The following POLR2B variants were observed in gnomAD, a reference collection of about 807,000 sequenced individuals.
POLR2B encodes the protein DNA-directed RNA polymerase II subunit RPB2.
Under a neutral mutation model 144.6 loss-of-function variants are expected in POLR2B, and 57 were observed. That is an observed-to-expected ratio of 0.39 (90% CI 0.32 to 0.49). The LOEUF (loss-of-function observed/expected upper bound fraction) is 0.49. Ranked by LOEUF, POLR2B falls within the 20% of genes least tolerant of loss-of-function variation. The probability of loss-of-function intolerance (pLI) is 0.83; values close to 1 mark genes in which losing one functional copy is unlikely to be tolerated. For missense variants in POLR2B, 595 were observed against 1,467.4 expected (o/e 0.41, Z 9.71); for synonymous variants, 442 against 469.8 (o/e 0.94, Z 0.77).
chr4:56,984,336 T>C (rs926076610), intron 1 of POLR2B, among the ~76,000 whole-genome samples: 34 of 152,324 alleles, frequency 2.2e-4, no homozygotes, highest in African/African-American at 8.2e-4. Context: ...TGTACTTTTT[T>C]TTTTTCAAAT....
intron 1 of POLR2B, among the ~76,000 whole-genome samples, chr4:56,983,011 T>C (rs1325951049): frequency 6.6e-6 from 1 of 152,214 alleles, no homozygotes; most frequent in Non-Finnish European, 1.5e-5. Flanking sequence ...TCATTCTAGT[T>C]CATGTTGCTG....
intron 2 of POLR2B, among the ~76,000 whole-genome samples, chr4:56,990,277 G>A (rs952586485): frequency 6.6e-6 from 1 of 151,958 alleles, no homozygotes; most frequent in Non-Finnish European, 1.5e-5. Flanking sequence ...CTAGGCTGGA[G>A]TGCAATGATG....
chr4:56,988,637 A>G (rs371477384), intron 2 of POLR2B, among the ~76,000 whole-genome samples: 8 of 152,210 alleles, frequency 5.3e-5, no homozygotes, highest in African/African-American at 1.4e-4. Flanking sequence ...TTTGCCACCT[A>G]TAGCTAGAAT....
At chr4:56,983,491 C>A (rs151024831) in intron 1 of POLR2B, among the ~76,000 whole-genome samples, 1 of 151,356 alleles carries the variant, frequency 6.6e-6, no homozygotes, top group East Asian at 2.0e-4. Flanking sequence ...TTCGCCTCAG[C>A]CTCCTGAGTA....
At position 57,014,691 on chromosome 4, in the gene POLR2B, A is replaced by G. The variant is rs192617191; in HGVS notation, c.1801-811A>G. On this transcript the variant is annotated intron_variant, in intron 13 of 24. Coordinates refer to ENST00000314595, the MANE Select transcript of POLR2B (RefSeq NM_000938.3). ...CTAATTTTTTTTGTATTTTTAGTAG[A>G]GATGGGGTTTCACCGTGTTAGCTAG... 3.3e-5 allele frequency among the ~76,000 whole-genome samples: 5 copies of G among 150,804 alleles called. No individual in the cohort carries two copies. In the Admixed American group the frequency reaches 3.3e-4, roughly 10 times the overall value.
chr4:56,996,110 C>T (rs1722667053), intron 6 of POLR2B, among the ~76,000 whole-genome samples: 1 of 151,332 alleles, frequency 6.6e-6, no homozygotes, highest in Non-Finnish European at 1.5e-5. Context: ...CTGGTAGTAG[C>T]TAGCAGTTCT....
At chr4:57,002,046 G>A (rs901448812) in intron 7 of POLR2B, among the ~76,000 whole-genome samples, 7 of 152,184 alleles carry the variant, frequency 4.6e-5, no homozygotes, top group Middle Eastern at 3.4e-3. Flanking sequence ...ATTATTATTT[G>A]AGAAAGGGTC....
intron 7 of POLR2B, among the ~76,000 whole-genome samples, chr4:57,000,256 C>T (rs955220459): frequency 7.9e-5 from 12 of 152,166 alleles, no homozygotes; most frequent in Admixed American, 2.0e-4. Flanking sequence ...ACAGGGAGAC[C>T]TGTCTCTACA....
At chr4:57,020,868 G>A (rs1723519575) in intron 16 of POLR2B, 31 bp from the exon 17 acceptor site, 4 of 1,179,962 alleles carry the variant, frequency 3.4e-6, no homozygotes, top group Non-Finnish European at 5.1e-6. Context: ...TCCAGGTGAT[G>A]TTTTAATGTA....
intron 16 of POLR2B, among the ~76,000 whole-genome samples, chr4:57,020,672 A>G (rs1386355372): frequency 6.6e-6 from 1 of 152,192 alleles, no homozygotes; most frequent in African/African-American, 2.4e-5. Context: ...AAGAATGGAT[A>G]CATTGGGAGT....
In POLR2B at chr4:57,005,353, T is replaced by C. The variant is rs1294248773; in HGVS notation, c.1008T>C (p.Ile336=). The change falls in exon 8 of 25, where the codon ATT becomes ATC. Residue 336 remains isoleucine, a synonymous_variant. Coordinates refer to ENST00000314595, the MANE Select transcript of POLR2B (RefSeq NM_000938.3). ...AKPGVTKEKR[I]KYAKEVLQKE... ...CTGGTGTTACTAAAGAGAAAAGAATTAAATATGCAAAGGAAGTTTTACAAA... is the reference window on the plus strand; with the variant it reads ...CTGGTGTTACTAAAGAGAAAAGAATCAAATATGCAAAGGAAGTTTTACAAA... 1.2e-6 allele frequency: 2 copies of C among 1,610,168 alleles called. No homozygotes were observed. Among genetic ancestry groups the C allele is most frequent in the Non-Finnish European group, 1.7e-6 (2 of 1,178,422 alleles).
chr4:57,026,408 C>G (rs188831604), intron 23 of POLR2B, among the ~76,000 whole-genome samples: 38 of 152,214 alleles, frequency 2.5e-4, no homozygotes, highest in Non-Finnish European at 2.6e-4. Flanking sequence ...GCCCAGACAT[C>G]ATATAATTTC....
At position 57,005,633 on chromosome 4, in the gene POLR2B, G is replaced by C. The variant is rs1390370182; in HGVS notation, c.1131G>C (p.Leu377Phe). The change falls in exon 9 of 25, where the codon TTG becomes TTC. Residue 377 changes from leucine to phenylalanine, a missense_variant. Physicochemically the swap from Leu to Phe is conservative, Grantham distance 22. Coordinates refer to ENST00000314595, the MANE Select transcript of POLR2B (RefSeq NM_000938.3). ...YMVHRLLLAA[L>F]GRRELDDRDH... is the part of the protein sequence containing the mutation. ...TTCATAGGTTACTTCTGGCAGCTTTGGGTAGAAGAGAACTAGATGACAGAG... is the reference window on the plus strand; with the variant it reads ...TTCATAGGTTACTTCTGGCAGCTTTCGGTAGAAGAGAACTAGATGACAGAG... 6.2e-7 allele frequency: 1 copy of C among 1,607,110 alleles called. No individual in the cohort carries two copies. Among genetic ancestry groups the C allele is most frequent in the African/African-American group, 1.4e-5 (1 of 73,932 alleles).
At chr4:57,008,871 ATG>A in intron 10 of POLR2B, among the ~76,000 whole-genome samples, 1 of 152,318 alleles carries the variant, frequency 6.6e-6, no homozygotes, top group East Asian at 1.9e-4. Flanking sequence ...GCAGGAAGGA[ATG>A]TGTGTCTGTC....
intron 13 of POLR2B, among the ~76,000 whole-genome samples, chr4:57,012,746 CCT>C (rs1723232515): frequency 6.6e-6 from 1 of 152,152 alleles, no homozygotes; most frequent in South Asian, 2.1e-4. Context: ...CTCACTGCAA[CCT>C]CTGTCTCCCA....
intron 7 of POLR2B, among the ~76,000 whole-genome samples, chr4:57,004,507 TAGGA>T (rs1236986645): frequency 5.3e-5 from 8 of 152,174 alleles, no homozygotes; most frequent in African/African-American, 1.9e-4. Flanking sequence ...GCTAGGATTA[TAGGA>T]GTAAGCCCCA....
In POLR2B at chr4:57,023,088, C is replaced by CA; in HGVS notation, c.2516-241dup. Reference sequence around the variant, plus strand: ...CCAAAGTCACTCGATAAATGTCTGTCATGGAAGAATCTGCTTTCCCAGTGC... The same window carrying CA: ...CCAAAGTCACTCGATAAATGTCTGTCAATGGAAGAATCTGCTTTCCCAGTGC... On this transcript the variant is annotated intron_variant, in intron 18 of 24. Coordinates refer to ENST00000314595, the MANE Select transcript of POLR2B (RefSeq NM_000938.3). This position sits in a 1 kb window ranked among gnomAD's most constrained non-coding sequence, Gnocchi z 4.3. The CA allele has an allele frequency of 2.2e-6, 1 of 446,648 alleles. No homozygotes were observed. The highest frequency in any genetic ancestry group is 4.0e-6 in the Non-Finnish European group (1 of 253,004). 27.7% of individuals were successfully genotyped at this position (446,648 alleles called of 1,614,324 possible).
chr4:56,986,477 G>T, intron 2 of POLR2B, 51 bp downstream of exon 2: 1 of 1,071,044 alleles, frequency 9.3e-7, no homozygotes, highest in Non-Finnish European at 1.5e-6. Flanking sequence ...TAGATTTCCT[G>T]CTTATTCTTC....
chr4:57,007,458 A>G (rs1723059221), intron 10 of POLR2B, among the ~76,000 whole-genome samples: 1 of 152,154 alleles, frequency 6.6e-6, no homozygotes, highest in African/African-American at 2.4e-5. Context: ...TTGAATTATG[A>G]ACATGAAATT....
Sources: allele counts gnomAD v4.1 joint callset (sites outside exome capture counted in the v4.1 genomes callset), GRCh38; gene constraint gnomAD v4.1.1; non-coding constraint Gnocchi (gnomAD v3.1); transcripts MANE v1.5; gene names NCBI Gene and HGNC (gene_info 2026-07-23, HGNC 2026-07-21).